Variants in GBE1 observed in about 807,000 individuals in gnomAD.
GBE1 encodes 1,4-alpha-glucan-branching enzyme.
Under a neutral mutation model 88.8 loss-of-function variants are expected in GBE1, and 70 were observed. The observed-to-expected ratio is 0.79, with a 90% CI of 0.65 to 0.96. The LOEUF (loss-of-function observed/expected upper bound fraction) is 0.96. Ranked by LOEUF, GBE1 falls within the 40% of genes least tolerant of loss-of-function variation. The probability of loss-of-function intolerance (pLI) is 0.00; values close to 1 mark genes in which losing one functional copy is unlikely to be tolerated. For synonymous variants in GBE1, 284 were observed against 300.1 expected (o/e 0.95, Z 0.56); for missense variants, 872 against 871.0 (o/e 1.00, Z -0.01).
At chr3:81,636,783 G>A (rs1704598347) in intron 7 of GBE1, among the ~76,000 whole-genome samples, 2 of 151,910 alleles carry the variant, frequency 1.3e-5, no homozygotes, top group Non-Finnish European at 2.9e-5. Flanking sequence ...GCCCCCCTTG[G>A]CCTCCCAAAA....
At chr3:81,608,460 GA>G (rs1210749443) in intron 7 of GBE1, among the ~76,000 whole-genome samples, 1 of 152,116 alleles carries the variant, frequency 6.6e-6, no homozygotes, top group East Asian at 1.9e-4. Context: ...CTCCTTTTCA[GA>G]AAAGCCCTCC....
chr3:81,712,342 C>T (rs931345876), intron 1 of GBE1, among the ~76,000 whole-genome samples: 10 of 152,188 alleles, frequency 6.6e-5, no homozygotes, highest in Non-Finnish European at 7.3e-5. Context: ...GCTATAGACA[C>T]ATGCACATGT....
At chr3:81,501,743 T>C (rs1014562291) in intron 14 of GBE1, among the ~76,000 whole-genome samples, 5 of 129,848 alleles carry the variant, frequency 3.9e-5, no homozygotes, top group African/African-American at 1.5e-4. Flanking sequence ...TCACCCAGGC[T>C]GCAGTGTAGT....
chr3:81,703,215 G>A (rs1044447470), intron 2 of GBE1, among the ~76,000 whole-genome samples: 1 of 151,926 alleles, frequency 6.6e-6, no homozygotes, highest in Non-Finnish European at 1.5e-5. Flanking sequence ...AGAGAAGATG[G>A]GGAAATATTG....
intron 8 of GBE1, among the ~76,000 whole-genome samples, chr3:81,593,648 G>C (rs927507147): frequency 6.6e-6 from 1 of 151,870 alleles, no homozygotes. Context: ...CACATCCTGA[G>C]AGTGTTACAA....
chr3:81,750,175 A>C (rs62267113), intron 1 of GBE1, among the ~76,000 whole-genome samples: 1 of 152,186 alleles, frequency 6.6e-6, no homozygotes, highest in Admixed American at 6.5e-5. Context: ...CAAAAGTGTC[A>C]GAGTATTTTA....
At chr3:81,515,838 G>A (rs9822535) in intron 14 of GBE1, among the ~76,000 whole-genome samples, 9,076 of 151,558 alleles carry the variant, frequency 0.06, 437 homozygotes, top group African/African-American at 0.12. Flanking sequence ...GATCAAACTA[G>A]CCACAACATT....
chr3:81,686,046 C>T (rs1056655936), intron 2 of GBE1, among the ~76,000 whole-genome samples: 2 of 152,180 alleles, frequency 1.3e-5, no homozygotes, highest in South Asian at 2.1e-4. Context: ...CTGGTTCCCC[C>T]TCCTTGGGCT....
At chr3:81,598,334 T>G (rs2106964257) in intron 7 of GBE1, among the ~76,000 whole-genome samples, 1 of 152,068 alleles carries the variant, frequency 6.6e-6, no homozygotes, top group Admixed American at 6.6e-5. Context: ...ATCAAAAACC[T>G]CATGTTTTGA....
intron 3 of GBE1, among the ~76,000 whole-genome samples, chr3:81,652,183 A>C (rs1042330535): frequency 6.6e-6 from 1 of 152,204 alleles, no homozygotes; most frequent in African/African-American, 2.4e-5. Context: ...TGTGAACCCA[A>C]CGTGTGAGCA....
chr3:81,566,593 G>T (rs1703497628), intron 12 of GBE1, among the ~76,000 whole-genome samples: 2 of 152,032 alleles, frequency 1.3e-5, no homozygotes, highest in Non-Finnish European at 2.9e-5. Context: ...CCCTACTATA[G>T]TTCTCTGGTA....
chr3:81,532,140 C>A (rs1342831206), intron 14 of GBE1, among the ~76,000 whole-genome samples: 1 of 151,714 alleles, frequency 6.6e-6, no homozygotes, highest in Non-Finnish European at 1.5e-5. Flanking sequence ...TCTTTCTTAC[C>A]CTCTTCTGTG....
At chr3:81,623,799 G>A (rs112096793) in intron 7 of GBE1, among the ~76,000 whole-genome samples, 5 of 151,994 alleles carry the variant, frequency 3.3e-5, no homozygotes, top group Non-Finnish European at 5.9e-5. Flanking sequence ...TGAGTAGCTG[G>A]GACTTCAGGT....
intron 12 of GBE1, among the ~76,000 whole-genome samples, chr3:81,560,985 T>C (rs1470721405): frequency 1.3e-5 from 2 of 152,024 alleles, no homozygotes; most frequent in Non-Finnish European, 2.9e-5. Flanking sequence ...TATACTTCTA[T>C]GGGTACAACT....
chr3:81,533,186 T>C (rs1404458526), intron 14 of GBE1, among the ~76,000 whole-genome samples: 1 of 152,106 alleles, frequency 6.6e-6, no homozygotes, highest in East Asian at 1.9e-4. Flanking sequence ...TAGAAGGGTT[T>C]AGTCTAGGAG....
intron 1 of GBE1, among the ~76,000 whole-genome samples, chr3:81,729,786 T>C (rs546377387): frequency 2.8e-4 from 43 of 152,250 alleles, no homozygotes; most frequent in Admixed American, 1.4e-3. Flanking sequence ...GAATGGATGC[T>C]ATCCATGGGT....
intron 14 of GBE1, among the ~76,000 whole-genome samples, chr3:81,504,622 C>T (rs891569548): frequency 6.6e-6 from 1 of 151,960 alleles, no homozygotes; most frequent in Non-Finnish European, 1.5e-5. Flanking sequence ...TATCTATCAA[C>T]AGGTTGAAGT....
chr3:81,689,968 A>G (rs865955833), intron 2 of GBE1, among the ~76,000 whole-genome samples: 3 of 151,708 alleles, frequency 2.0e-5, no homozygotes, highest in South Asian at 4.2e-4. Flanking sequence ...TGCCTTACTC[A>G]CCCTTCAAAT....
intron 15 of GBE1, among the ~76,000 whole-genome samples, chr3:81,490,706 C>A (rs922630982): frequency 1.3e-5 from 2 of 152,036 alleles, no homozygotes; most frequent in African/African-American, 4.8e-5. Context: ...ATGCTCCTTA[C>A]ACAAGAATGA....
Sources: gnomAD v4.1 joint callset for allele counts (sites outside exome capture counted in the v4.1 genomes callset) on GRCh38, gnomAD v4.1.1 for gene constraint, MANE v1.5 for transcripts, NCBI Gene and HGNC (gene_info 2026-07-23, HGNC 2026-07-21) for gene names.